Variants in POU6F2 observed in about 807,000 individuals in gnomAD.
POU6F2 encodes the protein POU domain, class 6, transcription factor 2.
A neutral mutation model predicts 71.3 loss-of-function variants in POU6F2; 31 were observed. The observed-to-expected ratio is 0.43, with a 90% CI of 0.33 to 0.59. The LOEUF is 0.59. POU6F2 is among the 20% of genes least tolerant of loss of function. POU6F2 has a pLI of 0.04. For missense variants in POU6F2, 783 were observed against 856.8 expected, an observed-to-expected ratio of 0.91 and a Z score of 1.07; for synonymous variants, 347 against 355.7, an observed-to-expected ratio of 0.98 and a Z score of 0.27.
chr7:39,243,809 T>G (rs1783768234), intron 4 of POU6F2, among the ~76,000 whole-genome samples: 1 of 152,100 alleles, frequency 6.6e-6, no homozygotes, highest in Admixed American at 6.6e-5. Flanking sequence ...CTGATTTGTC[T>G]CTTGGTCAGT....
chr7:38,995,163 G>A (rs1788703230), intron 1 of POU6F2, among the ~76,000 whole-genome samples: 1 of 152,220 alleles, frequency 6.6e-6, no homozygotes. Context: ...GGGATCAAAA[G>A]TACTAAGTTG....
intron 6 of POU6F2, among the ~76,000 whole-genome samples, chr7:39,416,164 C>A (rs905367512): frequency 2.0e-5 from 3 of 150,070 alleles, no homozygotes; most frequent in African/African-American, 4.9e-5. Context: ...GAGATGTAAA[C>A]CTTACCGAAT....
At chr7:39,284,742 A>G (rs1471363415) in intron 4 of POU6F2, among the ~76,000 whole-genome samples, 1 of 152,206 alleles carries the variant, frequency 6.6e-6, no homozygotes, top group Non-Finnish European at 1.5e-5. Context: ...GGGCTTTTCC[A>G]TGCCACTCAA....
rs11976438 is a variant in POU6F2, at chr7:39,030,538, A to G, written c.105+52480A>G. Among the ~76,000 whole-genome samples the G allele has an allele frequency of 0.019, 1,329 of 69,668 alleles. 134 individuals are homozygous for G. In the East Asian group the frequency reaches 0.2, roughly 10 times the overall value. 45.7% of individuals were successfully genotyped at this position (69,668 alleles called of 152,430 possible). On this transcript the variant is annotated intron_variant, in intron 1 of 9. Coordinates refer to ENST00000518318, the MANE Select transcript of POU6F2 (RefSeq NM_001370959.1). Reference sequence around the variant, plus strand: ...TATATATATATATATATATATATATATATATACACACACATACATATATTC... The same window carrying G: ...TATATATATATATATATATATATATGTATATACACACACATACATATATTC...
intron 6 of POU6F2, among the ~76,000 whole-genome samples, chr7:39,414,538 C>G (rs1346690576): frequency 2.6e-5 from 4 of 152,226 alleles, no homozygotes; most frequent in Non-Finnish European, 5.9e-5. Context: ...GCTGTTGAGC[C>G]CCGATGCGCA....
At chr7:39,204,541 G>A (rs1793967646) in intron 3 of POU6F2, among the ~76,000 whole-genome samples, 1 of 148,816 alleles carries the variant, frequency 6.7e-6, no homozygotes, top group South Asian at 2.3e-4. Flanking sequence ...TTAAAGGAAA[G>A]GTTGGCTTTA....
chr7:39,338,295 AGG>A (rs921027430), intron 4 of POU6F2, among the ~76,000 whole-genome samples: 1 of 152,190 alleles, frequency 6.6e-6, no homozygotes, highest in African/African-American at 2.4e-5. Flanking sequence ...ACTAGAAGAA[AGG>A]GGGAAATGGC....
chr7:39,179,040 G>A (rs1793383074), intron 2 of POU6F2, among the ~76,000 whole-genome samples: 1 of 152,104 alleles, frequency 6.6e-6, no homozygotes, highest in African/African-American at 2.4e-5. Context: ...GGAAGCCTGT[G>A]TTTCAAGGAT....
intron 1 of POU6F2, among the ~76,000 whole-genome samples, chr7:39,053,161 T>G (rs1277920917): frequency 6.6e-6 from 1 of 152,152 alleles, no homozygotes; most frequent in Non-Finnish European, 1.5e-5. Context: ...AAGAACTTAG[T>G]GCTCCCTTTT....
chr7:39,148,047 C>T (rs893807238), intron 2 of POU6F2, among the ~76,000 whole-genome samples: 2 of 152,212 alleles, frequency 1.3e-5, no homozygotes, highest in African/African-American at 2.4e-5. Context: ...TTACTTTCAC[C>T]ATACATGAAT....
chr7:39,152,404 A>T (rs1792779651), intron 2 of POU6F2, among the ~76,000 whole-genome samples: 1 of 152,078 alleles, frequency 6.6e-6, no homozygotes, highest in African/African-American at 2.4e-5. Context: ...CTGGAGAGAG[A>T]TACGAAGGAA....
chr7:39,402,764 A>T (rs1335204921), intron 5 of POU6F2, among the ~76,000 whole-genome samples: 1 of 152,148 alleles, frequency 6.6e-6, no homozygotes, highest in Non-Finnish European at 1.5e-5. Flanking sequence ...CTTCAAGCTG[A>T]TCTTTTTTTA....
At chr7:39,140,782 A>G (rs941078505) in intron 2 of POU6F2, among the ~76,000 whole-genome samples, 12 of 152,142 alleles carry the variant, frequency 7.9e-5, no homozygotes, top group Non-Finnish European at 1.5e-4. Flanking sequence ...CCTGCCATGG[A>G]GAGGGAGATG....
At chr7:39,196,865 G>T (rs1335849181) in intron 2 of POU6F2, among the ~76,000 whole-genome samples, 2 of 152,160 alleles carry the variant, frequency 1.3e-5, no homozygotes, top group Non-Finnish European at 2.9e-5. Flanking sequence ...TCCTTTCTGA[G>T]GTTTCTTGAA....
intron 5 of POU6F2, among the ~76,000 whole-genome samples, chr7:39,386,973 A>G (rs1786959806): frequency 6.6e-6 from 1 of 152,212 alleles, no homozygotes; most frequent in South Asian, 2.1e-4. Context: ...GAAACAGTCT[A>G]AGCTGGAACA....
intron 1 of POU6F2, among the ~76,000 whole-genome samples, chr7:39,077,164 G>C (rs1402580687): frequency 1.3e-5 from 2 of 152,218 alleles, no homozygotes; most frequent in Non-Finnish European, 2.9e-5. Context: ...AGATCTAGAT[G>C]AGCCTGGATT....
intron 1 of POU6F2, among the ~76,000 whole-genome samples, chr7:39,069,442 G>C (rs1228714395): frequency 6.6e-6 from 1 of 152,160 alleles, no homozygotes; most frequent in Non-Finnish European, 1.5e-5. Context: ...ACGAGCTCAA[G>C]ACCGTGCATG....
intron 5 of POU6F2, among the ~76,000 whole-genome samples, chr7:39,379,446 G>A (rs193105232): frequency 2.0e-5 from 3 of 152,100 alleles, no homozygotes; most frequent in Admixed American, 2.0e-4. Flanking sequence ...CACCTCCCCT[G>A]CTCTTCACCC....
chr7:39,015,104 T>C (rs73381671), intron 1 of POU6F2, among the ~76,000 whole-genome samples: 3,466 of 151,770 alleles, frequency 0.023, 132 homozygotes, highest in African/African-American at 0.08. Flanking sequence ...TATTCTGTTT[T>C]GTTCGGGAGC....
Sources: allele counts gnomAD v4.1 joint callset (sites outside exome capture counted in the v4.1 genomes callset), GRCh38; gene constraint gnomAD v4.1.1; transcripts MANE v1.5; gene names NCBI Gene and HGNC (gene_info 2026-07-23, HGNC 2026-07-21).